Variants in MSH3 observed in about 807,000 individuals in gnomAD.
MSH3 encodes DNA mismatch repair protein Msh3.
In MSH3, 106 loss-of-function variants were observed where a neutral mutation model predicts 123.3. That is an observed-to-expected ratio of 0.86 (90% CI 0.73 to 1.01). MSH3 has a LOEUF of 1.01. Ranked by LOEUF, MSH3 falls within the 50% of genes least tolerant of loss-of-function variation. MSH3 has a pLI of 0.00. For missense variants in MSH3, 1,459 were observed against 1,347.6 expected (o/e 1.08, Z -1.29); for synonymous variants, 515 against 481.4 (o/e 1.07, Z -0.91).
chr5:80,713,323 A>C (rs937954632), intron 8 of MSH3, among the ~76,000 whole-genome samples: 1 of 152,198 alleles, frequency 6.6e-6, no homozygotes, highest in Non-Finnish European at 1.5e-5. Flanking sequence ...TTAGTTTTTC[A>C]AAAGCAATAT....
At chr5:80,662,521 A>G (rs1749458602) in intron 2 of MSH3, among the ~76,000 whole-genome samples, 1 of 152,178 alleles carries the variant, frequency 6.6e-6, no homozygotes, top group Non-Finnish European at 1.5e-5. Flanking sequence ...ATATAGGGAC[A>G]AATCTCTAAA....
intron 21 of MSH3, among the ~76,000 whole-genome samples, chr5:80,859,380 C>T (rs1265776414): frequency 1.3e-5 from 2 of 152,174 alleles, no homozygotes; most frequent in African/African-American, 4.8e-5. Flanking sequence ...TCTGCCTCGG[C>T]CTCCCAAAGC....
chr5:80,794,170 G>A (rs1328659766), intron 19 of MSH3, among the ~76,000 whole-genome samples: 2 of 152,176 alleles, frequency 1.3e-5, no homozygotes, highest in Non-Finnish European at 2.9e-5. Flanking sequence ...GGCAGAAAAA[G>A]TATTTATAAT....
intron 8 of MSH3, among the ~76,000 whole-genome samples, chr5:80,699,144 G>A (rs1371825793): frequency 1.3e-5 from 2 of 152,086 alleles, no homozygotes; most frequent in East Asian, 3.8e-4. Flanking sequence ...CACATAATAG[G>A]TGCTTAATAA....
At position 80,678,993 on chromosome 5, in the gene MSH3, C is replaced by A. The variant is rs1168998675; in HGVS notation, c.1240C>A (p.Leu414Ile). The A allele has an allele frequency of 6.2e-7, 1 of 1,614,138 alleles. No homozygotes were observed. Among genetic ancestry groups the A allele is most frequent in the East Asian group, 2.2e-5 (1 of 44,878 alleles). ...CCAGGACTCTGCTTCTCGTTCAGAG[C>A]TAGAAACCCGGATGTCAAGCCTGCA... The part of the protein sequence containing the change: ...SFQDSASRSE[L>I]ETRMSSLQPV... The change falls in exon 8 of 24, where the codon CTA becomes ATA. Residue 414 changes from leucine (L) to isoleucine (I), a missense_variant. Coordinates refer to ENST00000265081, the MANE Select transcript of MSH3 (RefSeq NM_002439.5).
intron 10 of MSH3, among the ~76,000 whole-genome samples, chr5:80,737,334 T>C (rs1016311267): frequency 2.0e-5 from 3 of 152,040 alleles, no homozygotes; most frequent in Admixed American, 6.6e-5. Context: ...TTTGTCTGTC[T>C]TTTTTTTAAG....
At chr5:80,778,686 T>G (rs1169676367) in intron 16 of MSH3, 34 bp from the exon 17 acceptor site, 2 of 1,250,342 alleles carry the variant, frequency 1.6e-6, no homozygotes, top group Non-Finnish European at 2.4e-6. Flanking sequence ...TTACTAACCT[T>G]GATTTCCTAT....
rs573894589 is a variant in MSH3 at position 80,755,099 on chromosome 5, GGTGGT to G, written c.1764-6445_1764-6441del. On this transcript the variant is annotated intron_variant, in intron 12 of 23. Transcript: ENST00000265081. ...TCGGAAATGGGAAGGGAGAGTAGCA[GGTGGT>G]GCGTAATTGAGAGCTGTGTTTGATT... 1.2e-3 allele frequency among the ~76,000 whole-genome samples: 179 copies of G among 152,272 alleles called. 1 individual carries two copies. Among genetic ancestry groups the G allele is most frequent in the African/African-American group, 4.2e-3 (175 of 41,558 alleles).
intron 9 of MSH3, among the ~76,000 whole-genome samples, chr5:80,728,376 A>G (rs1219614494): frequency 6.6e-6 from 1 of 152,194 alleles, no homozygotes; most frequent in Non-Finnish European, 1.5e-5. Flanking sequence ...CAGTGCAGAT[A>G]ATTGGAAGTC....
intron 19 of MSH3, among the ~76,000 whole-genome samples, chr5:80,807,936 G>T (rs564753907): frequency 2.6e-5 from 4 of 152,156 alleles, no homozygotes; most frequent in African/African-American, 9.7e-5. Context: ...CAGTGGCCAG[G>T]CTGGGAATTT....
Position 80,666,132 on chromosome 5 carries a change from T to C in MSH3, c.579+769T>C, listed in dbSNP as rs138760994. Among the ~76,000 whole-genome samples the C allele has an allele frequency of 7.5e-3, 1,147 of 152,314 alleles. 13 individuals are homozygous for C. Among genetic ancestry groups the C allele is most frequent in the African/African-American group, 0.025 (1,043 of 41,570 alleles). On this transcript the variant is annotated intron_variant, in intron 3 of 23. Coordinates refer to ENST00000265081, the MANE Select transcript of MSH3 (RefSeq NM_002439.5). Reference sequence around the variant, plus strand: ...TAGAGTACAGTTGTGCGATTATAGTTCACTGTAGTCTCAAACTTCTGGTCT... The same window carrying C: ...TAGAGTACAGTTGTGCGATTATAGTCCACTGTAGTCTCAAACTTCTGGTCT...
intron 8 of MSH3, among the ~76,000 whole-genome samples, chr5:80,690,502 T>C (rs367911578): frequency 5.3e-5 from 8 of 152,100 alleles, no homozygotes; most frequent in African/African-American, 1.9e-4. Flanking sequence ...AGACGTATTT[T>C]CGTAGGGGTT....
At chr5:80,790,484 A>G (rs892764175) in intron 18 of MSH3, among the ~76,000 whole-genome samples, 2 of 152,050 alleles carry the variant, frequency 1.3e-5, no homozygotes, top group Non-Finnish European at 2.9e-5. Context: ...TTTTTTCTGT[A>G]TCTTGGAACA....
At chr5:80,822,812 TG>T (rs756092610) in intron 20 of MSH3, among the ~76,000 whole-genome samples, 2 of 152,284 alleles carry the variant, frequency 1.3e-5, no homozygotes, top group South Asian at 4.1e-4. Context: ...GCATGGAAGG[TG>T]GTCTCATGGA....
At chr5:80,764,195 TTG>T (rs1744086574) in intron 13 of MSH3, among the ~76,000 whole-genome samples, 1 of 152,238 alleles carries the variant, frequency 6.6e-6, no homozygotes, top group Non-Finnish European at 1.5e-5. Flanking sequence ...TGGGTACAGA[TTG>T]TGCCAATTAT....
chr5:80,690,069 C>T (rs1226987060), intron 8 of MSH3, among the ~76,000 whole-genome samples: 1 of 151,966 alleles, frequency 6.6e-6, no homozygotes, highest in African/African-American at 2.4e-5. Flanking sequence ...CATGCACCAC[C>T]CCTTACAGCT....
chr5:80,775,584 T>C (rs1055345680), intron 15 of MSH3, 110 bp from the exon 16 acceptor site: 7 of 681,014 alleles, frequency 1.0e-5, no homozygotes, highest in African/African-American at 3.6e-5. Flanking sequence ...ACTGGACTTA[T>C]CTTGAGTGTT....
At chr5:80,725,753 T>G (rs1322845280) in intron 9 of MSH3, among the ~76,000 whole-genome samples, 188 bp downstream of exon 9, 2 of 152,078 alleles carry the variant, frequency 1.3e-5, no homozygotes, top group Non-Finnish European at 2.9e-5. Context: ...TAGACTGAGG[T>G]AGGGGAGGAT....
At chr5:80,792,875 T>C (rs1220067522) in intron 19 of MSH3, 31 bp downstream of exon 19, 1 of 1,378,898 alleles carries the variant, frequency 7.3e-7, no homozygotes, top group Non-Finnish European at 1.0e-6. Context: ...AATAAGTCGA[T>C]GATAACATCC....
Sources: allele counts gnomAD v4.1 joint callset (sites outside exome capture counted in the v4.1 genomes callset), GRCh38; gene constraint gnomAD v4.1.1; transcripts MANE v1.5; gene names NCBI Gene and HGNC (gene_info 2026-07-23, HGNC 2026-07-21).